PABPC4L: variants seen among roughly 807,000 people sequenced by gnomAD.
The protein encoded by PABPC4L is polyadenylate-binding protein 4-like.
For synonymous variants in PABPC4L, 169 were observed against 164.1 expected (o/e 1.03, Z -0.23); for missense variants, 452 against 451.4 (o/e 1.00, Z -0.01).
the PABPC4L span, among the ~76,000 whole-genome samples, chr4:134,189,638 G>A: frequency 6.6e-6 from 1 of 152,012 alleles, no homozygotes; most frequent in African/African-American, 2.4e-5. Flanking sequence ...CTTTAGTAAT[G>A]TAAGTGGTAA....
At chr4:134,046,169 T>C in the PABPC4L span, among the ~76,000 whole-genome samples, 14 of 152,042 alleles carry the variant, frequency 9.2e-5, no homozygotes, top group Non-Finnish European at 1.6e-4. Flanking sequence ...AATTTATTGA[T>C]TACTATTTTC....
At chr4:133,993,853 A>T in the PABPC4L span, among the ~76,000 whole-genome samples, 15 of 152,170 alleles carry the variant, frequency 9.9e-5, no homozygotes, top group Non-Finnish European at 1.9e-4. Flanking sequence ...TAAGATGTGT[A>T]GATCTAGCAG....
chr4:134,127,835 G>T, the PABPC4L span, among the ~76,000 whole-genome samples: 1 of 151,978 alleles, frequency 6.6e-6, no homozygotes, highest in Admixed American at 6.6e-5. Flanking sequence ...AATTCAGAAG[G>T]TCTATTATTA....
chr4:133,970,458 A>C, the PABPC4L span, among the ~76,000 whole-genome samples: 3 of 152,178 alleles, frequency 2.0e-5, no homozygotes, highest in South Asian at 2.1e-4. Context: ...CCTCTGAGCT[A>C]TGATTGCATC....
chr4:134,104,354 C>G, the PABPC4L span, among the ~76,000 whole-genome samples: 1 of 151,704 alleles, frequency 6.6e-6, no homozygotes, highest in Non-Finnish European at 1.5e-5. Context: ...TGGCAGTCAT[C>G]TAGGTGTTCT....
the PABPC4L span, among the ~76,000 whole-genome samples, chr4:134,075,278 G>A: frequency 6.6e-6 from 1 of 152,116 alleles, no homozygotes; most frequent in East Asian, 1.9e-4. Context: ...TTTAGAAAAG[G>A]AGAACATATT....
the PABPC4L span, among the ~76,000 whole-genome samples, chr4:134,155,704 G>A: frequency 6.6e-6 from 1 of 151,944 alleles, no homozygotes; most frequent in African/African-American, 2.4e-5. Flanking sequence ...GATAGTACTA[G>A]TAGCTGTCTT....
At chr4:134,033,167 T>G in the PABPC4L span, among the ~76,000 whole-genome samples, 1 of 151,778 alleles carries the variant, frequency 6.6e-6, no homozygotes, top group Middle Eastern at 3.2e-3. Context: ...AATTTTTTCA[T>G]CGCTATTATA....
the PABPC4L span, among the ~76,000 whole-genome samples, chr4:134,028,839 G>GT: frequency 6.6e-6 from 1 of 152,256 alleles, no homozygotes; most frequent in East Asian, 1.9e-4. Context: ...GTAAATTACA[G>GT]TGATAAGGTC....
At chr4:134,002,443 C>A in the PABPC4L span, among the ~76,000 whole-genome samples, 3 of 151,766 alleles carry the variant, frequency 2.0e-5, no homozygotes, top group African/African-American at 7.2e-5. Context: ...AATGCTAATA[C>A]AAGATTAAAA....
the PABPC4L span, among the ~76,000 whole-genome samples, chr4:134,115,126 C>T: frequency 6.6e-6 from 1 of 151,740 alleles, no homozygotes; most frequent in Non-Finnish European, 1.5e-5. Context: ...CCTTTCTTTC[C>T]CAAAGAACAT....
chr4:134,167,584 A>G, the PABPC4L span, among the ~76,000 whole-genome samples: 1 of 151,860 alleles, frequency 6.6e-6, no homozygotes, highest in Non-Finnish European at 1.5e-5. Context: ...CAATAAACAA[A>G]TGGAAAACTA....
the PABPC4L span, among the ~76,000 whole-genome samples, chr4:133,971,213 C>A: frequency 1.3e-5 from 2 of 149,138 alleles, no homozygotes; most frequent in East Asian, 2.0e-4. Context: ...CCTGGGTTCA[C>A]GCATTCTACT....
At chr4:134,181,962 T>G in the PABPC4L span, among the ~76,000 whole-genome samples, 567 of 150,716 alleles carry the variant, frequency 3.8e-3, 2 homozygotes, top group African/African-American at 0.013. Context: ...TATTCAATGC[T>G]ATACACATCA....
the PABPC4L span, among the ~76,000 whole-genome samples, chr4:134,178,451 CA>C: frequency 1.3e-5 from 2 of 149,318 alleles, no homozygotes; most frequent in African/African-American, 2.5e-5. Context: ...AGAAAAAACC[CA>C]GCACAACAAC....
chr4:134,137,503 G>A, the PABPC4L span, among the ~76,000 whole-genome samples: 9 of 151,866 alleles, frequency 5.9e-5, no homozygotes, highest in South Asian at 2.1e-4. Flanking sequence ...GTCAAATACC[G>A]AGACTAGTTT....
At chr4:134,184,334 T>A in the PABPC4L span, among the ~76,000 whole-genome samples, 5 of 152,028 alleles carry the variant, frequency 3.3e-5, no homozygotes, top group Admixed American at 6.6e-5. Flanking sequence ...ACAAAAAAAA[T>A]TCCAAGTGGA....
At chr4:134,187,881 C>T in the PABPC4L span, among the ~76,000 whole-genome samples, 3 of 151,964 alleles carry the variant, frequency 2.0e-5, no homozygotes, top group East Asian at 1.9e-4. Flanking sequence ...TGATTTCTGT[C>T]ATTTAATTGG....
the PABPC4L span, among the ~76,000 whole-genome samples, chr4:133,997,529 G>T: frequency 6.6e-6 from 1 of 151,916 alleles, no homozygotes; most frequent in African/African-American, 2.4e-5. Flanking sequence ...TTGTATAGTT[G>T]CCATAAAGAG....
Sources: allele counts gnomAD v4.1 joint callset (sites outside exome capture counted in the v4.1 genomes callset), GRCh38; gene constraint gnomAD v4.1.1; transcripts MANE v1.5; gene names NCBI Gene and HGNC (gene_info 2026-07-23, HGNC 2026-07-21).